Variants in CDH13 observed in about 807,000 individuals in gnomAD.
CDH13 encodes cadherin-13.
Under a neutral mutation model 63.8 loss-of-function variants are expected in CDH13, and 24 were observed. That is an observed-to-expected ratio of 0.38 (90% CI 0.27 to 0.53). The LOEUF (loss-of-function observed/expected upper bound fraction) is 0.53. CDH13 is among the 20% of genes least tolerant of loss of function. The pLI is 0.85. For missense variants in CDH13, 1,049 were observed against 903.1 expected, an observed-to-expected ratio of 1.16 and a Z score of -2.07; for synonymous variants, 503 against 355.3, an observed-to-expected ratio of 1.42 and a Z score of -4.67.
chr16:82,906,884 C>G (rs1279502785), intron 2 of CDH13, among the ~76,000 whole-genome samples: 1 of 152,164 alleles, frequency 6.6e-6, no homozygotes, highest in African/African-American at 2.4e-5. Context: ...TGTGTGTCCT[C>G]ATGTGTTTTT....
At chr16:83,669,932 C>G (rs1009321832) in intron 8 of CDH13, among the ~76,000 whole-genome samples, 1 of 152,188 alleles carries the variant, frequency 6.6e-6, no homozygotes, top group South Asian at 2.1e-4. Context: ...ATACTTTATG[C>G]TTTCGGCTCA....
intron 6 of CDH13, among the ~76,000 whole-genome samples, chr16:83,440,340 ATATT>A (rs2072444666): frequency 6.6e-6 from 1 of 152,162 alleles, no homozygotes; most frequent in Non-Finnish European, 1.5e-5. Context: ...CCACACCCAA[ATATT>A]TAGTTAGTGC....
intron 2 of CDH13, among the ~76,000 whole-genome samples, chr16:83,029,456 A>G (rs1463726674): frequency 2.0e-5 from 3 of 152,204 alleles, no homozygotes; most frequent in African/African-American, 7.2e-5. Flanking sequence ...ACAGCCACAT[A>G]ATGGAATACT....
intron 8 of CDH13, among the ~76,000 whole-genome samples, chr16:83,666,987 C>CTGGA (rs35753725): frequency 0.02 from 2,857 of 144,552 alleles, 41 homozygotes; most frequent in South Asian, 0.037. Flanking sequence ...TGGTGTAACC[C>CTGGA]TGGATGGATG....
chr16:82,664,352 G>A (rs1178115921), intron 1 of CDH13, among the ~76,000 whole-genome samples: 2 of 152,194 alleles, frequency 1.3e-5, no homozygotes, highest in Non-Finnish European at 2.9e-5. Context: ...ATTTGCACTA[G>A]CTGATTAGTA....
intron 4 of CDH13, among the ~76,000 whole-genome samples, chr16:83,136,717 T>C (rs1415332226): frequency 6.6e-6 from 1 of 152,044 alleles, no homozygotes; most frequent in Non-Finnish European, 1.5e-5. Context: ...GCAGCCTGAA[T>C]GCAGACAGCT....
intron 6 of CDH13, among the ~76,000 whole-genome samples, chr16:83,369,372 C>T (rs2151395627): frequency 6.6e-6 from 1 of 152,076 alleles, no homozygotes; most frequent in Non-Finnish European, 1.5e-5. Flanking sequence ...GCATGTAGGT[C>T]CAAACCTGTC....
intron 6 of CDH13, among the ~76,000 whole-genome samples, chr16:83,437,290 T>C (rs2072334944): frequency 1.3e-5 from 2 of 152,180 alleles, no homozygotes; most frequent in South Asian, 2.1e-4. Context: ...CCTTACCTCA[T>C]AGAAATATTA....
intron 1 of CDH13, chr16:82,773,514 C>T (rs148778394): frequency 2.0e-4 from 31 of 152,396 alleles, no homozygotes; most frequent in African/African-American, 6.7e-4. Context: ...TTCCTTTGAA[C>T]ATTAGGTAGG....
intron 10 of CDH13, among the ~76,000 whole-genome samples, chr16:83,701,068 T>C (rs926604485): frequency 3.9e-5 from 6 of 152,208 alleles, no homozygotes; most frequent in Admixed American, 2.6e-4. Context: ...ATTTTTCATG[T>C]CACTACCTAG....
intron 6 of CDH13, among the ~76,000 whole-genome samples, chr16:83,451,797 C>T (rs1262203266): frequency 6.6e-6 from 1 of 152,244 alleles, no homozygotes; most frequent in African/African-American, 2.4e-5. Context: ...GCATTACAGG[C>T]ATGTGCCACA....
intron 1 of CDH13, among the ~76,000 whole-genome samples, chr16:82,675,033 A>G (rs570029010): frequency 6.6e-6 from 1 of 152,320 alleles, no homozygotes; most frequent in African/African-American, 2.4e-5. Context: ...CTTTATTTCT[A>G]TTCTAATATT....
intron 8 of CDH13, among the ~76,000 whole-genome samples, chr16:83,618,008 T>A (rs961195167): frequency 2.6e-5 from 4 of 152,218 alleles, no homozygotes; most frequent in African/African-American, 9.6e-5. Flanking sequence ...ATCTGTTTTG[T>A]CATCTGCTGT....
Position 83,220,285 on chromosome 16 carries a change from A to G in CDH13, c.636+2788A>G, listed in dbSNP as rs147025495. Among the ~76,000 whole-genome samples the G allele has an allele frequency of 5.5e-3, 838 of 152,284 alleles. 20 individuals carry two copies. The highest frequency in any genetic ancestry group is 0.045 in the Admixed American group (690 of 15,292). On this transcript the variant is annotated intron_variant, in intron 5 of 13. Transcript: ENST00000567109. ...CGGTTCTTTATTTTTAGATGATGAG[A>G]ACTGGGTTACTCTCATGTTGGTCTA...
chr16:83,298,876 G>T (rs1438059936), intron 5 of CDH13, among the ~76,000 whole-genome samples: 1 of 152,192 alleles, frequency 6.6e-6, no homozygotes, highest in Non-Finnish European at 1.5e-5. Flanking sequence ...AGCATTAATA[G>T]AGAAGTGTTA....
chr16:83,148,283 G>C (rs2036836393), intron 4 of CDH13, among the ~76,000 whole-genome samples: 2 of 152,196 alleles, frequency 1.3e-5, no homozygotes, highest in Non-Finnish European at 2.9e-5. Flanking sequence ...AATAGGCACA[G>C]AGGCTGAGAC....
intron 5 of CDH13, among the ~76,000 whole-genome samples, chr16:83,294,744 A>G (rs2089548880): frequency 6.6e-6 from 1 of 152,084 alleles, no homozygotes; most frequent in Non-Finnish European, 1.5e-5. Flanking sequence ...ACAAAAATAA[A>G]TGGAAAGACA....
intron 1 of CDH13, among the ~76,000 whole-genome samples, chr16:82,803,991 A>G (rs1438561825): frequency 6.6e-6 from 1 of 152,150 alleles, no homozygotes; most frequent in Non-Finnish European, 1.5e-5. Context: ...GCACTTTGGG[A>G]GGCTGAGGTG....
chr16:83,625,063 C>T (rs1910162489), intron 8 of CDH13, among the ~76,000 whole-genome samples: 1 of 152,152 alleles, frequency 6.6e-6, no homozygotes, highest in African/African-American at 2.4e-5. Context: ...ACACAAGCTA[C>T]AAATCAGGGC....
Sources: gnomAD v4.1 joint callset for allele counts (sites outside exome capture counted in the v4.1 genomes callset) on GRCh38, gnomAD v4.1.1 for gene constraint, MANE v1.5 for transcripts, NCBI Gene and HGNC (gene_info 2026-07-23, HGNC 2026-07-21) for gene names.